ATP6V1D: variants seen among roughly 807,000 people sequenced by gnomAD.
The protein encoded by ATP6V1D is ATPase H+ transporting V1 subunit D.
ATP6V1D carries 20 observed loss-of-function variants against 39.4 expected under a neutral mutation model. The observed-to-expected ratio is 0.51, with a 90% CI of 0.36 to 0.74. The LOEUF (loss-of-function observed/expected upper bound fraction) is 0.74. ATP6V1D is among the 30% of genes least tolerant of loss of function. ATP6V1D has a pLI of 0.00. For synonymous variants in ATP6V1D, 100 were observed against 100.5 expected, an observed-to-expected ratio of 0.99 and a Z score of 0.03; for missense variants, 228 against 291.6, an observed-to-expected ratio of 0.78 and a Z score of 1.59.
At chr14:67,354,454 C>A (rs1536271) in intron 1 of ATP6V1D, among the ~76,000 whole-genome samples, 23,608 of 152,064 alleles carry the variant, frequency 0.16, 3,463 homozygotes, top group East Asian at 0.42. Flanking sequence ...TTCCACTTTG[C>A]GGAATTTATC....
chr14:67,348,706 G>C (rs1193025658), intron 4 of ATP6V1D: 1 of 180,414 alleles, frequency 5.5e-6, no homozygotes, highest in Non-Finnish European at 1.1e-5. Flanking sequence ...ATTATTAGTA[G>C]AGATGGGGTT....
intron 8 of ATP6V1D, among the ~76,000 whole-genome samples, 165 bp from the exon 9 acceptor site, chr14:67,338,927 AACATAATTTTAAGCTAAAAAT>A (rs1452334909): frequency 2.0e-5 from 3 of 152,108 alleles, no homozygotes; most frequent in African/African-American, 4.8e-5. Flanking sequence ...CTTTTTAAAA[AACATAATTTTAAGCTAAAAAT>A]ACATAATTTT....
At position 67,347,403 on chromosome 14, in the gene ATP6V1D, AC is replaced by A. The variant is rs770892235; in HGVS notation, c.352+5del. ...CACAAAGTAATACAAAAAGTTTCAC[AC>A]TTACTGTCAGTTCCTTCATGGTAAT... On this transcript the variant is annotated splice_donor_5th_base_variant and intron_variant, in intron 5 of 8. Transcript: ENST00000216442. The A allele has an allele frequency of 6.3e-6, 10 of 1,599,744 alleles. No individual in the cohort carries two copies. The Admixed American group carries it at 1.5e-4, about 24-fold the overall frequency.
chr14:67,352,476 G>A lies in ATP6V1D; in HGVS notation c.159+447C>T, dbSNP rs565016904. Among the ~76,000 whole-genome samples, 38 of 151,740 alleles carry A rather than the reference G, an allele frequency of 2.5e-4. 1 individual carries two copies. The South Asian group carries it at 5.2e-3, about 21-fold the overall frequency. ...CTAGAAATAAAATGTCATACCATGC[G>A]GTAGTACATGCTACAATAAAATTAA... On this transcript the variant is annotated intron_variant, in intron 2 of 8. Coordinates refer to ENST00000216442, the MANE Select transcript of ATP6V1D (RefSeq NM_015994.4).
chr14:67,338,582 C>T lies in ATP6V1D; in HGVS notation c.*39G>A. ...CTACACACTGTGAATTAAAATGAAG[C>T]CAGTGTTAGGGTTTCTCAAAGAACC... On this transcript the variant is annotated 3_prime_UTR_variant, in exon 9 of 9. Transcript: ENST00000216442. The T allele has an allele frequency of 6.3e-7, 1 of 1,583,238 alleles. No homozygotes were observed. The highest frequency in any genetic ancestry group is 1.4e-5 in the African/African-American group (1 of 73,286).
intron 7 of ATP6V1D, 73 bp from the exon 8 acceptor site, chr14:67,340,591 A>T: frequency 6.5e-6 from 8 of 1,237,524 alleles, no homozygotes; most frequent in Admixed American, 1.9e-5. Flanking sequence ...GCTCATTTGT[A>T]TAACAGTTAT....
At chr14:67,350,734 C>T (rs748342961) in intron 2 of ATP6V1D, 44 bp from the exon 3 acceptor site, 13 of 1,530,130 alleles carry the variant, frequency 8.5e-6, no homozygotes, top group Admixed American at 1.7e-5. Context: ...AAGCCTTTTA[C>T]AAGGAAATAT....
intron 1 of ATP6V1D, among the ~76,000 whole-genome samples, chr14:67,356,916 G>A (rs1430464476): frequency 6.6e-6 from 1 of 152,236 alleles, no homozygotes; most frequent in Non-Finnish European, 1.5e-5. Flanking sequence ...TCAAATTTAA[G>A]TCAAATTGTA....
At chr14:67,357,508 C>A (rs1295952706) in intron 1 of ATP6V1D, among the ~76,000 whole-genome samples, 1 of 152,180 alleles carries the variant, frequency 6.6e-6, no homozygotes, top group East Asian at 1.9e-4. Flanking sequence ...CCTTCATGAG[C>A]CTATCATTTT....
chr14:67,346,015 A>G (rs1468534910), intron 5 of ATP6V1D, 144 bp from the exon 6 acceptor site: 5 of 623,892 alleles, frequency 8.0e-6, no homozygotes, highest in Non-Finnish European at 1.4e-5. Context: ...TGAAGTGCCT[A>G]TCTCACTCCC....
chr14:67,358,446 G>A (rs761931459), intron 1 of ATP6V1D, among the ~76,000 whole-genome samples: 16 of 152,154 alleles, frequency 1.1e-4, no homozygotes, highest in Non-Finnish European at 1.5e-5. Flanking sequence ...AGGACAGAAT[G>A]AGGAAAAACA....
chr14:67,347,579 G>A lies in ATP6V1D; in HGVS notation c.308-126C>T, dbSNP rs535152380. On this transcript the variant is annotated intron_variant, in intron 4 of 8. Coordinates refer to ENST00000216442, the MANE Select transcript of ATP6V1D (RefSeq NM_015994.4). ...TGCAATGGCGTGATCTCGCCTCACC[G>A]CAACCTCTGCCTCCCAGGTTCAAGC... The A allele has an allele frequency of 6.9e-4, 501 of 724,862 alleles. 7 individuals carry two copies. In the South Asian group the frequency reaches 7.8e-3, roughly 11 times the overall value. 44.9% of individuals were successfully genotyped at this position (724,862 alleles called of 1,614,324 possible). A position where few individuals can be genotyped will look rare whatever the true frequency, so the allele number is the denominator to read the frequency against.
chr14:67,352,706 G>A (rs1412961664), intron 2 of ATP6V1D: 2 of 444,728 alleles, frequency 4.5e-6, no homozygotes, highest in East Asian at 3.9e-5. Flanking sequence ...GGCAGGCGGG[G>A]GGCCAATCAG....
intron 7 of ATP6V1D, among the ~76,000 whole-genome samples, chr14:67,341,923 C>G (rs2085587461): frequency 2.0e-5 from 3 of 151,972 alleles, no homozygotes; most frequent in Admixed American, 2.0e-4. Flanking sequence ...GCTGTGTCCA[C>G]TCAGGGTTAA....
At chr14:67,342,750 G>A (rs1448063984) in intron 7 of ATP6V1D, among the ~76,000 whole-genome samples, 1 of 150,810 alleles carries the variant, frequency 6.6e-6, no homozygotes. Context: ...TAATATAATA[G>A]TTAATATATT....
chr14:67,357,523 C>T (rs1359407274), intron 1 of ATP6V1D, among the ~76,000 whole-genome samples: 1 of 152,208 alleles, frequency 6.6e-6, no homozygotes, highest in Admixed American at 6.5e-5. Context: ...CATTTTCTTA[C>T]CTAAGCCCAA....
chr14:67,353,107 C>T (rs2085666546), intron 1 of ATP6V1D, 67 bp from the exon 2 acceptor site: 21 of 1,226,850 alleles, frequency 1.7e-5, no homozygotes, highest in Non-Finnish European at 2.3e-5. Context: ...AAACCCTCCC[C>T]ACCAGTGTTA....
At chr14:67,354,390 C>T (rs1386920143) in intron 1 of ATP6V1D, among the ~76,000 whole-genome samples, 1 of 152,144 alleles carries the variant, frequency 6.6e-6, no homozygotes, top group Non-Finnish European at 1.5e-5. Context: ...ATTTAAAAAT[C>T]TATCCACTAA....
intron 7 of ATP6V1D, among the ~76,000 whole-genome samples, chr14:67,342,692 G>C (rs1201418212): frequency 6.7e-6 from 1 of 149,298 alleles, no homozygotes; most frequent in Non-Finnish European, 1.5e-5. Flanking sequence ...TAATATAACA[G>C]TTAATATATT....
Sources: gnomAD v4.1 joint callset for allele counts (sites outside exome capture counted in the v4.1 genomes callset) on GRCh38, gnomAD v4.1.1 for gene constraint, MANE v1.5 for transcripts, NCBI Gene and HGNC (gene_info 2026-07-23, HGNC 2026-07-21) for gene names.